CIPC: variants seen among roughly 807,000 people sequenced by gnomAD.
The protein encoded by CIPC is CLOCK-interacting pacemaker.
CIPC carries 12 observed loss-of-function variants against 26.7 expected under a neutral mutation model. The ratio of observed to expected loss-of-function variants is 0.45; its 90% CI spans 0.29 to 0.73. The LOEUF is 0.73. Among genes scored for constraint, CIPC ranks in the 30% least tolerant of loss-of-function variants. CIPC has a pLI of 0.12. For synonymous variants in CIPC, 170 were observed against 189.8 expected, an observed-to-expected ratio of 0.90 and a Z score of 0.86; for missense variants, 417 against 486.5, an observed-to-expected ratio of 0.86 and a Z score of 1.34.
intron 1 of CIPC, among the ~76,000 whole-genome samples, chr14:77,105,252 C>G (rs1001598403): frequency 1.3e-5 from 2 of 152,142 alleles, no homozygotes; most frequent in Non-Finnish European, 2.9e-5. Flanking sequence ...TTCTCCTCTC[C>G]CCTTTCCCCT....
At position 77,116,692 on chromosome 14, in the gene CIPC, G is replaced by A. The variant is rs1886818731; in HGVS notation, c.*2374G>A. On this transcript the variant is annotated 3_prime_UTR_variant, in exon 4 of 4. Coordinates refer to ENST00000361786, the MANE Select transcript of CIPC (RefSeq NM_033426.3). The stretch of plus-strand genomic sequence containing the variant: ...GAAGTCTCTCCAGGCTATTACCATG[G>A]GCATTTGTTCTCTGTTGGAGCTGTA... 1 of 152,160 alleles carries A rather than the reference G, an allele frequency of 6.6e-6. No individual in the cohort carries two copies. The highest frequency in any genetic ancestry group is 2.1e-4 in the South Asian group (1 of 4,818). The allele number at this position is 152,160 out of a possible 1,614,324, so 9.4% of individuals were successfully genotyped here.
chr14:77,106,534 G>C (rs1451952176), intron 2 of CIPC, among the ~76,000 whole-genome samples: 1 of 152,150 alleles, frequency 6.6e-6, no homozygotes, highest in Non-Finnish European at 1.5e-5. Context: ...GAGGGTAGTG[G>C]CTTGAATATG....
In CIPC at chr14:77,098,337, C is replaced by A. The variant is rs1378175761; in HGVS notation, c.-77C>A. On this transcript the variant is annotated 5_prime_UTR_variant, in exon 1 of 4. Coordinates refer to ENST00000361786, the MANE Select transcript of CIPC (RefSeq NM_033426.3). Reference sequence around the variant, plus strand: ...TGCGCCACCTGACCCACAGGCCGGTCGTGGAGCTGCGACCCCGGCCCTAGG... The same window carrying A: ...TGCGCCACCTGACCCACAGGCCGGTAGTGGAGCTGCGACCCCGGCCCTAGG... 6.6e-6 allele frequency: 1 copy of A among 152,632 alleles called. No homozygotes were observed. The highest frequency in any genetic ancestry group is 2.4e-5 in the African/African-American group (1 of 41,412). The allele number at this position is 152,632 out of a possible 1,614,324, so 9.5% of individuals were successfully genotyped here. A position where few individuals can be genotyped will look rare whatever the true frequency, so the allele number is the denominator to read the frequency against.
intron 3 of CIPC, among the ~76,000 whole-genome samples, chr14:77,112,566 A>G (rs1341542798): frequency 6.6e-6 from 1 of 152,222 alleles, no homozygotes; most frequent in East Asian, 1.9e-4. Flanking sequence ...CATTACACAT[A>G]GTGGTAACCT....
chr14:77,106,415 A>G (rs757141663), intron 2 of CIPC, among the ~76,000 whole-genome samples: 55 of 152,216 alleles, frequency 3.6e-4, no homozygotes, highest in Non-Finnish European at 6.9e-4. Context: ...ATAAGAAAAT[A>G]GAACAGTTTT....
chr14:77,114,326 G>T lies in CIPC; in HGVS notation c.*8G>T, dbSNP rs1223268902. On this transcript the variant is annotated 3_prime_UTR_variant, in exon 4 of 4. Transcript: ENST00000361786. The stretch of plus-strand genomic sequence containing the variant: ...GATCACCCAGCCATATAGCACAGAG[G>T]CATATTTTCCTGTTACTTGAGTGGT... 6.3e-7 allele frequency: 1 copy of T among 1,580,776 alleles called. No homozygotes were observed. Among genetic ancestry groups the T allele is most frequent in the South Asian group, 1.1e-5 (1 of 87,494 alleles).
intron 2 of CIPC, among the ~76,000 whole-genome samples, chr14:77,108,803 T>G (rs571233152): frequency 3.3e-5 from 5 of 152,328 alleles, no homozygotes; most frequent in African/African-American, 1.2e-4. Flanking sequence ...GTATCACTAA[T>G]GTAGTCATGG....
chr14:77,114,487 T>G lies in CIPC; in HGVS notation c.*169T>G. On this transcript the variant is annotated 3_prime_UTR_variant, in exon 4 of 4. Coordinates refer to ENST00000361786, the MANE Select transcript of CIPC (RefSeq NM_033426.3). ...ACCTGGCTGCTGTCTTAACTCGTAG[T>G]CTGGGCACAGGATACATATGTCCCC... 2.9e-6 allele frequency: 2 copies of G among 682,780 alleles called. No homozygotes were observed. The highest frequency in any genetic ancestry group is 4.9e-6 in the Non-Finnish European group (2 of 407,472). 42.3% of individuals were successfully genotyped at this position (682,780 alleles called of 1,614,324 possible).
At chr14:77,103,036 C>T (rs548473178) in intron 1 of CIPC, among the ~76,000 whole-genome samples, 79 of 152,364 alleles carry the variant, frequency 5.2e-4, no homozygotes, top group African/African-American at 1.8e-3. Flanking sequence ...GACAGTGCCA[C>T]TGTTTATCTT....
intron 1 of CIPC, among the ~76,000 whole-genome samples, chr14:77,105,366 A>G (rs775223210): frequency 6.6e-6 from 1 of 152,084 alleles, no homozygotes; most frequent in Non-Finnish European, 1.5e-5. Flanking sequence ...TACCCATTGG[A>G]AAAAGCCTAA....
chr14:77,100,431 AG>A (rs1451015544), intron 1 of CIPC, among the ~76,000 whole-genome samples: 1 of 151,832 alleles, frequency 6.6e-6, no homozygotes, highest in Non-Finnish European at 1.5e-5. Flanking sequence ...TAGTAGAGAC[AG>A]GGTTTCACCA....
intron 1 of CIPC, among the ~76,000 whole-genome samples, chr14:77,104,568 A>G (rs902242681): frequency 1.3e-5 from 2 of 152,056 alleles, no homozygotes; most frequent in Non-Finnish European, 2.9e-5. Context: ...ACCCTTCTAC[A>G]CTGTGCTCTG....
intron 3 of CIPC, 74 bp downstream of exon 3, chr14:77,110,055 T>C: frequency 3.5e-6 from 5 of 1,436,368 alleles, no homozygotes; most frequent in Non-Finnish European, 4.8e-6. Context: ...AGGAAGAGAT[T>C]TATATTCTCT....
intron 3 of CIPC, 109 bp from the exon 4 acceptor site, chr14:77,113,316 G>A: frequency 8.6e-7 from 1 of 1,163,622 alleles, no homozygotes; most frequent in Non-Finnish European, 1.3e-6. Flanking sequence ...CACTGTCCTT[G>A]AAATTGTTCT....
chr14:77,101,318 G>A (rs748668305), intron 1 of CIPC, among the ~76,000 whole-genome samples: 55 of 152,272 alleles, frequency 3.6e-4, no homozygotes, highest in Admixed American at 6.5e-4. Context: ...CTACTCCTCC[G>A]AAAGAGTAAA....
At position 77,117,286 on chromosome 14, in the gene CIPC, T is replaced by A. The variant is rs1178687239; in HGVS notation, c.*2968T>A. 6.5e-6 allele frequency: 1 copy of A among 152,804 alleles called. No homozygotes were observed. The highest frequency in any genetic ancestry group is 1.5e-5 in the Non-Finnish European group (1 of 68,034). The allele number at this position is 152,804 out of a possible 1,614,324, so 9.5% of individuals were successfully genotyped here. On this transcript the variant is annotated 3_prime_UTR_variant, in exon 4 of 4. Coordinates refer to ENST00000361786, the MANE Select transcript of CIPC (RefSeq NM_033426.3). Reference sequence around the variant, plus strand: ...AAATAAAAGTCACTTACTTGAAACCTATTTGGCCTTTTTGCTTTATAACTG... The same window carrying A: ...AAATAAAAGTCACTTACTTGAAACCAATTTGGCCTTTTTGCTTTATAACTG...
At chr14:77,110,557 T>A (rs1409179311) in intron 3 of CIPC, among the ~76,000 whole-genome samples, 1 of 152,152 alleles carries the variant, frequency 6.6e-6, no homozygotes, top group Non-Finnish European at 1.5e-5. Flanking sequence ...ACACATCCTG[T>A]TTGGGGCTTT....
At chr14:77,103,888 C>T (rs1383666664) in intron 1 of CIPC, among the ~76,000 whole-genome samples, 1 of 151,932 alleles carries the variant, frequency 6.6e-6, no homozygotes, top group African/African-American at 2.4e-5. Flanking sequence ...CTTGGGCTCC[C>T]TAGCTGAGAA....
At chr14:77,111,848 A>G (rs1886708249) in intron 3 of CIPC, among the ~76,000 whole-genome samples, 1 of 152,238 alleles carries the variant, frequency 6.6e-6, no homozygotes. Context: ...CTTGTAGGTC[A>G]TCCCTAGAGA....
Sources: gnomAD v4.1 joint callset for allele counts (sites outside exome capture counted in the v4.1 genomes callset) on GRCh38, gnomAD v4.1.1 for gene constraint, MANE v1.5 for transcripts, NCBI Gene and HGNC (gene_info 2026-07-23, HGNC 2026-07-21) for gene names.